Variants in CSMD3 observed in about 807,000 individuals in gnomAD.
CSMD3 encodes the protein CUB and sushi domain-containing protein 3.
A neutral mutation model predicts 435.2 loss-of-function variants in CSMD3; 177 were observed. That is an observed-to-expected ratio of 0.41 (90% CI 0.36 to 0.46). The LOEUF (loss-of-function observed/expected upper bound fraction) is 0.46, where lower values mean the gene tolerates loss of function less well. Among genes scored for constraint, CSMD3 ranks in the 20% least tolerant of loss-of-function variants. The pLI, the probability that CSMD3 is intolerant of heterozygous loss-of-function variation, is 0.34. For synonymous variants in CSMD3, 1,656 were observed against 1,520.5 expected, an observed-to-expected ratio of 1.09 and a Z score of -2.07; for missense variants, 4,265 against 4,504.6, an observed-to-expected ratio of 0.95 and a Z score of 1.52.
At chr8:112,352,388 C>A (rs1826209238) in intron 39 of CSMD3, 28 bp downstream of exon 39, 2 of 1,612,130 alleles carry the variant, frequency 1.2e-6, no homozygotes, top group South Asian at 2.2e-5. Context: ...CCATGAAAAT[C>A]AAAACCACAA....
intron 1 of CSMD3, among the ~76,000 whole-genome samples, chr8:113,392,128 G>T (rs1189601268): frequency 2.0e-5 from 3 of 152,066 alleles, no homozygotes; most frequent in Admixed American, 2.0e-4. Context: ...CATTAGTTTT[G>T]AGAGTAAATT....
At chr8:112,950,838 A>C (rs369635528) in intron 8 of CSMD3, among the ~76,000 whole-genome samples, 4 of 152,088 alleles carry the variant, frequency 2.6e-5, no homozygotes, top group African/African-American at 9.6e-5. Context: ...CTATGTCATT[A>C]ACTACAATTC....
intron 22 of CSMD3, among the ~76,000 whole-genome samples, chr8:112,632,401 GAC>G (rs1253897173): frequency 2.0e-5 from 3 of 152,002 alleles, no homozygotes; most frequent in Non-Finnish European, 4.4e-5. Flanking sequence ...AAAAATCAAT[GAC>G]ACACGAAATT....
rs192144369 is a variant in CSMD3, at chr8:112,820,831, C to A, written c.1859+8855G>T. On this transcript the variant is annotated intron_variant, in intron 12 of 70. Coordinates refer to ENST00000297405, the MANE Select transcript of CSMD3 (RefSeq NM_198123.2). Reference sequence around the variant, plus strand: ...TTCCTCCACTCACCACCACCGCCAACCAGTTCTGGTGTGTGTTGTTCTCCT... The same window carrying A: ...TTCCTCCACTCACCACCACCGCCAAACAGTTCTGGTGTGTGTTGTTCTCCT... Among the ~76,000 whole-genome samples, 36 of 152,172 alleles carry A rather than the reference C, an allele frequency of 2.4e-4. No homozygotes were observed. In the East Asian group the frequency reaches 5.2e-3, roughly 22 times the overall value.
intron 4 of CSMD3, among the ~76,000 whole-genome samples, chr8:113,127,854 C>T (rs1308353544): frequency 2.6e-5 from 4 of 152,076 alleles, no homozygotes; most frequent in African/African-American, 2.4e-5. Flanking sequence ...TATTGCCTCA[C>T]TTATTTTGCT....
chr8:112,477,236 C>T (rs2130780019), intron 31 of CSMD3, among the ~76,000 whole-genome samples: 1 of 152,082 alleles, frequency 6.6e-6, no homozygotes, highest in South Asian at 2.1e-4. Flanking sequence ...TTGTTCTTTG[C>T]TTGATTGCTG....
chr8:113,003,532 A>C (rs1404040183), intron 6 of CSMD3, among the ~76,000 whole-genome samples: 1 of 152,074 alleles, frequency 6.6e-6, no homozygotes, highest in Non-Finnish European at 1.5e-5. Flanking sequence ...CTATTAGAAT[A>C]ATAGTAATAA....
chr8:112,848,653 A>G (rs2080396168), intron 11 of CSMD3, among the ~76,000 whole-genome samples: 1 of 152,114 alleles, frequency 6.6e-6, no homozygotes, highest in South Asian at 2.1e-4. Context: ...TGTTTTATTT[A>G]TTAACTTGTG....
At chr8:113,171,820 C>T (rs535216484) in intron 4 of CSMD3, among the ~76,000 whole-genome samples, 64 of 152,058 alleles carry the variant, frequency 4.2e-4, no homozygotes, top group Non-Finnish European at 8.5e-4. Flanking sequence ...CTTTTTTGTA[C>T]CTGGTTATCC....
At chr8:112,519,946 C>T (rs147829666) in intron 27 of CSMD3, among the ~76,000 whole-genome samples, 1 of 152,216 alleles carries the variant, frequency 6.6e-6, no homozygotes, top group African/African-American at 2.4e-5. Context: ...GTCTCTGAAA[C>T]ATGCTATTAA....
chr8:112,931,416 T>C (rs553712219), intron 9 of CSMD3, among the ~76,000 whole-genome samples: 2 of 151,978 alleles, frequency 1.3e-5, no homozygotes, highest in South Asian at 2.1e-4. Flanking sequence ...AACTAGACCT[T>C]TATTTCTCAC....
chr8:112,945,460 G>A (rs1423036523), intron 9 of CSMD3, among the ~76,000 whole-genome samples: 1 of 151,518 alleles, frequency 6.6e-6, no homozygotes. Flanking sequence ...GTAGCCTATG[G>A]GTACACATGG....
intron 1 of CSMD3, among the ~76,000 whole-genome samples, chr8:113,391,152 T>C (rs183328139): frequency 1.1e-4 from 16 of 152,114 alleles, no homozygotes; most frequent in African/African-American, 2.9e-4. Context: ...CATGGTTACA[T>C]AGATTCACCA....
chr8:112,481,734 C>T (rs1049538447), intron 31 of CSMD3, among the ~76,000 whole-genome samples: 6 of 152,094 alleles, frequency 3.9e-5, no homozygotes, highest in African/African-American at 1.2e-4. Context: ...GCTTTCCTAA[C>T]CCTTAAAGTC....
chr8:112,814,949 G>T (rs904429320), intron 12 of CSMD3, among the ~76,000 whole-genome samples: 1 of 147,052 alleles, frequency 6.8e-6, no homozygotes, highest in Admixed American at 6.9e-5. Flanking sequence ...CATATTTTTT[G>T]TATTATACAA....
chr8:112,423,783 A>T (rs888306392), intron 32 of CSMD3, among the ~76,000 whole-genome samples: 3 of 152,150 alleles, frequency 2.0e-5, no homozygotes, highest in African/African-American at 7.2e-5. Context: ...ACTAATTTGG[A>T]TTAGTATTAC....
intron 13 of CSMD3, among the ~76,000 whole-genome samples, chr8:112,701,836 T>C (rs2076395762): frequency 6.6e-6 from 1 of 152,176 alleles, no homozygotes; most frequent in Non-Finnish European, 1.5e-5. Context: ...CCCTGAGGCA[T>C]GACATCTTCT....
At chr8:112,926,476 A>G (rs891966281) in intron 9 of CSMD3, among the ~76,000 whole-genome samples, 1 of 152,196 alleles carries the variant, frequency 6.6e-6, no homozygotes, top group Non-Finnish European at 1.5e-5. Context: ...ATTTGAAAGT[A>G]CCAAGTCATA....
chr8:112,313,788 A>G (rs1822209653), intron 49 of CSMD3, 118 bp downstream of exon 49: 2 of 778,286 alleles, frequency 2.6e-6, no homozygotes, highest in East Asian at 2.5e-5. Flanking sequence ...TCCAGGAACC[A>G]TCAATGGAGG....
Sources: gnomAD v4.1 joint callset for allele counts (sites outside exome capture counted in the v4.1 genomes callset) on GRCh38, gnomAD v4.1.1 for gene constraint, MANE v1.5 for transcripts, NCBI Gene and HGNC (gene_info 2026-07-23, HGNC 2026-07-21) for gene names.